ZFHX3: variants seen among roughly 807,000 people sequenced by gnomAD.
The protein encoded by ZFHX3 is zinc finger homeobox protein 3.
ZFHX3 carries 42 observed loss-of-function variants against 279.1 expected under a neutral mutation model. The ratio of observed to expected loss-of-function variants is 0.15; its 90% confidence interval spans 0.12 to 0.19. The LOEUF (loss-of-function observed/expected upper bound fraction) is 0.19. Ranked by LOEUF, ZFHX3 falls within the 10% of genes least tolerant of loss-of-function variation. The pLI is 1.00. For synonymous variants in ZFHX3, 2,293 were observed against 1,957.8 expected (o/e 1.17, Z -4.52); for missense variants, 4,981 against 4,754.0 (o/e 1.05, Z -1.40).
intron 1 of ZFHX3, among the ~76,000 whole-genome samples, chr16:73,019,343 C>CATGT (rs1555542114): frequency 0.016 from 2,441 of 150,150 alleles, 74 homozygotes; most frequent in African/African-American, 0.055. Flanking sequence ...TGTGTCTGTG[C>CATGT]GTGTGTGTGT....
chr16:73,589,733 CAAAAAAAAAAAAAAAAAAAAA>C (rs59777135), intron 2 of ZFHX3, among the ~76,000 whole-genome samples: 117 of 29,590 alleles, frequency 4.0e-3, no homozygotes, highest in South Asian at 6.5e-3. Flanking sequence ...GACTCCGTCT[CAAAAAAAAAAAAAAAAAAAAA>C]AAAAAAAAAA....
chr16:72,915,554 G>A (rs2039423757), intron 3 of ZFHX3, among the ~76,000 whole-genome samples: 2 of 152,150 alleles, frequency 1.3e-5, no homozygotes, highest in Admixed American at 1.3e-4. Flanking sequence ...AGCCCAGGAA[G>A]TCGAGACCAG....
At chr16:73,770,930 G>T (rs78878519) in intron 1 of ZFHX3, among the ~76,000 whole-genome samples, 4,789 of 152,274 alleles carry the variant, frequency 0.031, 232 homozygotes, top group African/African-American at 0.1. Flanking sequence ...TTCTCCCCTT[G>T]CAAGGTAAGA....
At chr16:72,906,445 C>T (rs1038351732) in intron 3 of ZFHX3, among the ~76,000 whole-genome samples, 4 of 151,910 alleles carry the variant, frequency 2.6e-5, no homozygotes, top group African/African-American at 9.7e-5. Context: ...TTTACAAAAC[C>T]TTCTGGAGAA....
intron 1 of ZFHX3, among the ~76,000 whole-genome samples, chr16:73,857,574 C>A (rs1428524053): frequency 6.6e-6 from 1 of 152,150 alleles, no homozygotes; most frequent in Non-Finnish European, 1.5e-5. Flanking sequence ...TTGTTCTACA[C>A]TGAAGTCTCG....
chr16:73,454,194 C>T (rs181713229), intron 3 of ZFHX3, among the ~76,000 whole-genome samples: 4 of 152,258 alleles, frequency 2.6e-5, no homozygotes, highest in Non-Finnish European at 4.4e-5. Flanking sequence ...GGATGGTGTG[C>T]ATGGCAACAA....
chr16:73,714,271 T>G (rs1432218979), intron 1 of ZFHX3, among the ~76,000 whole-genome samples: 2 of 152,148 alleles, frequency 1.3e-5, no homozygotes, highest in Non-Finnish European at 2.9e-5. Context: ...AATTTTTTTT[T>G]CCTGCAATTG....
At chr16:73,695,274 T>C (rs2053187446) in intron 1 of ZFHX3, among the ~76,000 whole-genome samples, 1 of 151,184 alleles carries the variant, frequency 6.6e-6, no homozygotes, top group Non-Finnish European at 1.5e-5. Context: ...TCTTCCTCTG[T>C]AGCCAGGCTG....
At chr16:73,050,234 T>A (rs74030221), upstream of ZFHX3, among the ~76,000 whole-genome samples, 1,060 of 152,300 alleles carry the variant, frequency 7.0e-3, 13 homozygotes, top group African/African-American at 0.023. Context: ...TAAAGTAACC[T>A]GGGAGGATGC....
At chr16:73,438,333 G>A (rs187881872) in intron 3 of ZFHX3, among the ~76,000 whole-genome samples, 59 of 152,330 alleles carry the variant, frequency 3.9e-4, no homozygotes, top group Non-Finnish European at 6.5e-4. Context: ...TTTCTCTGCA[G>A]AAGGGTGGAT....
At chr16:73,213,757 G>C (rs1165921319) in intron 5 of ZFHX3, among the ~76,000 whole-genome samples, 1 of 152,106 alleles carries the variant, frequency 6.6e-6, no homozygotes, top group Non-Finnish European at 1.5e-5. Flanking sequence ...TTGAGGTTTT[G>C]AAGTTTCTGG....
chr16:73,295,351 G>A (rs1006723612), intron 4 of ZFHX3, among the ~76,000 whole-genome samples: 3 of 152,224 alleles, frequency 2.0e-5, no homozygotes, highest in South Asian at 2.1e-4. Flanking sequence ...TTTCCTCACT[G>A]TTTAGTGTTA....
intron 1 of ZFHX3, among the ~76,000 whole-genome samples, chr16:73,837,384 C>T (rs1961170377): frequency 6.6e-6 from 1 of 152,212 alleles, no homozygotes; most frequent in South Asian, 2.1e-4. Flanking sequence ...TGTGATCTTC[C>T]ATCCCTAAGA....
At chr16:73,475,933 T>C (rs1157474010) in intron 2 of ZFHX3, among the ~76,000 whole-genome samples, 1 of 152,102 alleles carries the variant, frequency 6.6e-6, no homozygotes, top group Admixed American at 6.5e-5. Flanking sequence ...TTCATTCCAT[T>C]GAATAAAAAT....
chr16:73,673,428 A>C (rs1398912390), intron 2 of ZFHX3, among the ~76,000 whole-genome samples: 1 of 152,164 alleles, frequency 6.6e-6, no homozygotes, highest in Admixed American at 6.5e-5. Context: ...AGAAGATAGG[A>C]AAAGGCCTTA....
At chr16:72,921,454 A>C (rs1321340495) in intron 3 of ZFHX3, among the ~76,000 whole-genome samples, 1 of 152,244 alleles carries the variant, frequency 6.6e-6, no homozygotes, top group Non-Finnish European at 1.5e-5. Flanking sequence ...GGCGCAATGC[A>C]AAAGGGCAGA....
intron 1 of ZFHX3, among the ~76,000 whole-genome samples, chr16:73,688,490 C>T (rs1216304709): frequency 1.3e-5 from 2 of 152,056 alleles, no homozygotes; most frequent in Admixed American, 1.3e-4. Flanking sequence ...AAAAGAGACC[C>T]CAGAGAGCTG....
In ZFHX3 at chr16:73,766,450, G is replaced by A. The variant is rs550802932; in HGVS notation, c.-1607-86210C>T. ...TCAAACTTCTCCATCCAAGAATAAGGGACAGCAGCATCTCTTTGACATCCA... is the reference window on the plus strand; with the variant it reads ...TCAAACTTCTCCATCCAAGAATAAGAGACAGCAGCATCTCTTTGACATCCA... On this transcript the variant is annotated intron_variant, in intron 1 of 17. Coordinates refer to the ZFHX3 transcript ENST00000641206. 2.3e-4 allele frequency among the ~76,000 whole-genome samples: 35 copies of A among 152,208 alleles called. 2 individuals carry two copies. The South Asian group carries it at 7.1e-3, about 31-fold the overall frequency.
intron 3 of ZFHX3, among the ~76,000 whole-genome samples, chr16:72,920,371 G>A (rs945998449): frequency 2.0e-5 from 3 of 151,958 alleles, no homozygotes; most frequent in African/African-American, 7.3e-5. Flanking sequence ...TTATGATTAG[G>A]AATATAATCA....
Sources: gnomAD v4.1 joint callset for allele counts (sites outside exome capture counted in the v4.1 genomes callset) on GRCh38, gnomAD v4.1.1 for gene constraint, MANE v1.5 for transcripts, NCBI Gene and HGNC (gene_info 2026-07-23, HGNC 2026-07-21) for gene names.